The following UMAD1 variants were observed in gnomAD, a reference collection of about 807,000 sequenced individuals.
The protein encoded by UMAD1 is UBAP1-MVB12-associated (UMA) domain containing 1, also known as UBAP1-MVB12-associated (UMA)-domain containing protein 1.
In UMAD1, 8 loss-of-function variants were observed where a neutral mutation model predicts 6.1. That is an observed-to-expected ratio of 1.30 (90% CI 0.76 to 2.35). UMAD1 has a LOEUF of 2.35. Ranked by LOEUF, UMAD1 falls within the 30% of genes most tolerant of loss-of-function variation. The probability of loss-of-function intolerance (pLI) is 0.00; values close to 1 mark genes in which losing one functional copy is unlikely to be tolerated. For synonymous variants in UMAD1, 56 were observed against 31.4 expected (o/e 1.78, Z -2.61); for missense variants, 130 against 78.4 (o/e 1.66, Z -2.49).
At chr7:7,695,740 T>C (rs1219270862) in intron 2 of UMAD1, among the ~76,000 whole-genome samples, 1 of 152,184 alleles carries the variant, frequency 6.6e-6, no homozygotes, top group Non-Finnish European at 1.5e-5. Flanking sequence ...CCTAGCATCT[T>C]TAATATCTAT....
At chr7:7,675,122 C>T (rs1453961683) in intron 2 of UMAD1, among the ~76,000 whole-genome samples, 2 of 152,158 alleles carry the variant, frequency 1.3e-5, no homozygotes, top group African/African-American at 4.8e-5. Context: ...GCCTCGGCCC[C>T]CCAAAGTGTT....
At chr7:7,859,131 T>C (rs779320158) in intron 3 of UMAD1, among the ~76,000 whole-genome samples, 4 of 152,246 alleles carry the variant, frequency 2.6e-5, no homozygotes, top group Non-Finnish European at 5.9e-5. Context: ...TAATCTAATT[T>C]ATTGTTTTCC....
At chr7:7,689,827 T>C (rs1335548838) in intron 2 of UMAD1, among the ~76,000 whole-genome samples, 15 of 152,194 alleles carry the variant, frequency 9.9e-5, no homozygotes, top group Non-Finnish European at 1.5e-5. Context: ...TTGTGCATTT[T>C]GGATATTGCT....
chr7:7,733,054 A>G (rs577349252), intron 2 of UMAD1, among the ~76,000 whole-genome samples: 117 of 152,344 alleles, frequency 7.7e-4, no homozygotes, highest in African/African-American at 2.7e-3. Context: ...GGAGTTATTT[A>G]TTAGGCCCAA....
intron 3 of UMAD1, among the ~76,000 whole-genome samples, chr7:7,809,603 T>C (rs1000075239): frequency 3.9e-5 from 6 of 152,132 alleles, no homozygotes; most frequent in Admixed American, 3.3e-4. Context: ...TGTATTGTTA[T>C]TTATTAAAGT....
intron 3 of UMAD1, among the ~76,000 whole-genome samples, chr7:7,824,943 G>A (rs1251527465): frequency 2.0e-5 from 3 of 152,064 alleles, no homozygotes; most frequent in Admixed American, 2.0e-4. Context: ...AGTTAACTGG[G>A]TTTTGTTTTT....
At chr7:7,765,525 A>T (rs1781968085) in intron 2 of UMAD1, among the ~76,000 whole-genome samples, 1 of 152,162 alleles carries the variant, frequency 6.6e-6, no homozygotes, top group Non-Finnish European at 1.5e-5. Flanking sequence ...TGCTTTTTAA[A>T]ATTGAAACTG....
Position 7,711,570 on chromosome 7 carries a change from G to T in UMAD1, c.82+38117G>T, listed in dbSNP as rs576058603. Among the ~76,000 whole-genome samples the T allele has an allele frequency of 6.6e-5, 10 of 152,104 alleles. 1 individual carries two copies. Among genetic ancestry groups the T allele is most frequent in the African/African-American group, 2.4e-4 (10 of 41,520 alleles). ...TCTGTTGGTTAGAAAATGGTATCTT[G>T]TGTTTTTAATTTACATTTTCTTGTT... On this transcript the variant is annotated intron_variant, in intron 2 of 3. Transcript: ENST00000682710.
chr7:7,706,145 G>C (rs1158364343), intron 2 of UMAD1, among the ~76,000 whole-genome samples: 1 of 152,162 alleles, frequency 6.6e-6, no homozygotes, highest in Non-Finnish European at 1.5e-5. Flanking sequence ...CAATAGTGTT[G>C]TGTATGTTGA....
chr7:7,694,973 A>G (rs942919834), intron 2 of UMAD1, among the ~76,000 whole-genome samples: 1 of 152,156 alleles, frequency 6.6e-6, no homozygotes, highest in African/African-American at 2.4e-5. Flanking sequence ...ACTGTTCTCC[A>G]TAGTGGTTGT....
intron 2 of UMAD1, among the ~76,000 whole-genome samples, chr7:7,731,113 CT>C (rs1781241602): frequency 6.6e-6 from 1 of 152,178 alleles, no homozygotes; most frequent in South Asian, 2.1e-4. Context: ...ATTCTCCTGC[CT>C]CAGCCTCCTG....
At chr7:7,668,719 G>A (rs918967117) in intron 1 of UMAD1, among the ~76,000 whole-genome samples, 1 of 152,152 alleles carries the variant, frequency 6.6e-6, no homozygotes, top group African/African-American at 2.4e-5. Flanking sequence ...CTTTTCTAAT[G>A]TTAAACATTG....
intron 2 of UMAD1, 92 bp downstream of exon 2, chr7:7,673,545 T>G (rs1779665130): frequency 9.3e-6 from 6 of 647,168 alleles, no homozygotes; most frequent in Non-Finnish European, 1.4e-5. Flanking sequence ...AAATTATTTC[T>G]TATAATTTCA....
intron 2 of UMAD1, among the ~76,000 whole-genome samples, chr7:7,677,914 C>T (rs956717457): frequency 3.3e-5 from 5 of 151,636 alleles, no homozygotes; most frequent in Non-Finnish European, 5.9e-5. Context: ...ACCTCGTGAT[C>T]CGCCCGCCTC....
At chr7:7,852,959 T>C (rs1289874176) in intron 3 of UMAD1, among the ~76,000 whole-genome samples, 1 of 152,168 alleles carries the variant, frequency 6.6e-6, no homozygotes, top group Non-Finnish European at 1.5e-5. Context: ...CAGGACCCTC[T>C]CTGGAATGAG....
intron 2 of UMAD1, among the ~76,000 whole-genome samples, chr7:7,675,096 C>G (rs1263060422): frequency 1.3e-5 from 2 of 152,076 alleles, no homozygotes; most frequent in African/African-American, 2.4e-5. Context: ...AACTCCTGGC[C>G]TCAAGCAATC....
intron 3 of UMAD1, among the ~76,000 whole-genome samples, chr7:7,876,084 T>G (rs955744613): frequency 1.3e-5 from 2 of 151,898 alleles, no homozygotes; most frequent in East Asian, 3.9e-4. Flanking sequence ...CACGTAAAAG[T>G]AAGTTTTATA....
chr7:7,843,351 G>A (rs1180633431), intron 3 of UMAD1, among the ~76,000 whole-genome samples: 6 of 152,132 alleles, frequency 3.9e-5, no homozygotes, highest in Non-Finnish European at 8.8e-5. Context: ...TAAAATGATT[G>A]CTAAAGACTG....
intron 3 of UMAD1, among the ~76,000 whole-genome samples, chr7:7,872,665 A>C (rs1339813391): frequency 6.6e-6 from 1 of 152,234 alleles, no homozygotes; most frequent in South Asian, 2.1e-4. Flanking sequence ...CAAACCTTCA[A>C]TTTGTAAAAA....
Sources: allele counts gnomAD v4.1 joint callset (sites outside exome capture counted in the v4.1 genomes callset), GRCh38; gene constraint gnomAD v4.1.1; transcripts MANE v1.5; gene names NCBI Gene and HGNC (gene_info 2026-07-23, HGNC 2026-07-21).